Variants in PITPNM2 observed in about 807,000 individuals in gnomAD.
PITPNM2 encodes the protein membrane-associated phosphatidylinositol transfer protein 2.
In PITPNM2, 35 loss-of-function variants were observed where a neutral mutation model predicts 132.2. The ratio of observed to expected loss-of-function variants is 0.26; its 90% CI spans 0.20 to 0.35. The LOEUF (loss-of-function observed/expected upper bound fraction) is 0.35. PITPNM2 is among the 10% of genes least tolerant of loss of function. The pLI is 1.00. For missense variants in PITPNM2, 1,332 were observed against 1,912.0 expected (o/e 0.70, Z 5.66); for synonymous variants, 738 against 799.2 (o/e 0.92, Z 1.29).
rs962289455 is a variant in PITPNM2 at position 123,023,898 on chromosome 12, T to C, written c.79-9856A>G. ...ATACAATATATCTTATAGTAACTTA[T>C]ATCCAAAATATATACAGAACTCCTC... On this transcript the variant is annotated intron_variant, in intron 3 of 25. Coordinates refer to ENST00000320201, the MANE Select transcript of PITPNM2 (RefSeq NM_020845.3). The surrounding 1 kb of genome is among the most constrained non-coding windows in gnomAD (Gnocchi z 4.8). 6.6e-6 allele frequency among the ~76,000 whole-genome samples: 1 copy of C among 152,190 alleles called. No individual in the cohort carries two copies. The highest frequency in any genetic ancestry group is 1.5e-5 in the Non-Finnish European group (1 of 68,040).
chr12:123,151,127 T>TGGC (rs1461679025), upstream of PITPNM2, among the ~76,000 whole-genome samples: 4 of 145,090 alleles, frequency 2.8e-5, no homozygotes, highest in Non-Finnish European at 6.1e-5. Context: ...ATTCCCTCAG[T>TGGC]GGCGGCGGCG....
Position 122,992,395 on chromosome 12 carries a change from C to T in PITPNM2, c.2404+104G>A, listed in dbSNP as rs2038230050. 7.6e-7 allele frequency: 1 copy of T among 1,308,504 alleles called. No individual in the cohort carries two copies. Among genetic ancestry groups the T allele is most frequent in the East Asian group, 3.0e-5 (1 of 33,652 alleles). The allele number at this position is 1,308,504 out of a possible 1,614,324, so 81.1% of individuals were successfully genotyped here. ...CAAGAGGCATTCAGCACAAGCTGTC[C>T]CTCTCACCTGGGGAAGAACCACGTA... On this transcript the variant is annotated intron_variant, in intron 16 of 25. Transcript: ENST00000320201. The surrounding 1 kb of genome is among the most constrained non-coding windows in gnomAD (Gnocchi z 6.5).
chr12:123,151,782 G>A (rs936993760), upstream of PITPNM2, among the ~76,000 whole-genome samples: 3 of 152,216 alleles, frequency 2.0e-5, no homozygotes, highest in African/African-American at 4.8e-5. Context: ...GTTGAGCCAG[G>A]GTGGACTTGT....
Position 122,987,273 on chromosome 12 carries a change from C to A in PITPNM2, c.3413+8G>T. 4 of 1,611,250 alleles carry A rather than the reference C, an allele frequency of 2.5e-6. No individual in the cohort carries two copies. The highest frequency in any genetic ancestry group is 3.4e-6 in the Non-Finnish European group (4 of 1,179,878). ...TACAGCCCCTTTGTGCCCCTCTGGG[C>A]CACTCACCGCACCACGTCCACGGCC... On this transcript the variant is annotated splice_region_variant and intron_variant, in intron 23 of 25. Coordinates refer to ENST00000320201, the MANE Select transcript of PITPNM2 (RefSeq NM_020845.3).
At chr12:122,997,240 G>A in intron 11 of PITPNM2, 85 bp downstream of exon 11, 2 of 1,580,698 alleles carry the variant, frequency 1.3e-6, no homozygotes, top group Non-Finnish European at 1.7e-6. Context: ...CAGGAGTCCT[G>A]AAACTGGGGA....
chr12:123,029,781 G>C (rs1442049952), intron 3 of PITPNM2, among the ~76,000 whole-genome samples: 1 of 151,602 alleles, frequency 6.6e-6, no homozygotes, highest in Non-Finnish European at 1.5e-5. Context: ...TGCATAGGTG[G>C]CTGTGCTTGC....
intron 3 of PITPNM2, among the ~76,000 whole-genome samples, chr12:123,016,578 C>T (rs1436087689): frequency 9.2e-6 from 1 of 108,352 alleles, no homozygotes; most frequent in Non-Finnish European, 1.9e-5. Context: ...GCCTAAGACT[C>T]CGTCTCAAAA....
At chr12:122,997,724 G>A in intron 10 of PITPNM2, 152 bp from the exon 11 acceptor site, 5 of 1,093,118 alleles carry the variant, frequency 4.6e-6, no homozygotes, top group Non-Finnish European at 6.4e-6. Flanking sequence ...CTGGAGCCTG[G>A]GGTTTGGCTG....
chr12:122,986,687 G>A lies in PITPNM2; in HGVS notation c.3556C>T (p.Leu1186=). The change falls in exon 24 of 26, where the codon CTG becomes TTG. Residue 1186 remains leucine (L), a synonymous_variant. Transcript: ENST00000320201. ...SFCDGLVHDP[L]RHKANFLKLL... is the part of the protein sequence containing the mutation. ...TTCAGGAAGTTGGCCTTGTGCCGCA[G>A]CGGGTCATGCACCAGGCCGTCACAG... 2 of 1,613,434 alleles carry A rather than the reference G, an allele frequency of 1.2e-6. No homozygotes were observed. Among genetic ancestry groups the A allele is most frequent in the Non-Finnish European group, 1.7e-6 (2 of 1,179,966 alleles).
intron 1 of PITPNM2, among the ~76,000 whole-genome samples, chr12:123,143,663 G>A (rs1422323093): frequency 2.0e-5 from 3 of 152,152 alleles, no homozygotes; most frequent in African/African-American, 7.2e-5. Context: ...TCCTAAGAAA[G>A]GCCAAGTCTA....
intron 3 of PITPNM2, among the ~76,000 whole-genome samples, chr12:123,021,049 A>T (rs1416345263): frequency 1.3e-5 from 2 of 151,070 alleles, no homozygotes; most frequent in Non-Finnish European, 3.0e-5. Context: ...AAAAAAAAAA[A>T]AAAAAAGAAA....
chr12:122,988,687 C>A (rs1442022825), intron 19 of PITPNM2, 37 bp downstream of exon 19: 2 of 1,536,000 alleles, frequency 1.3e-6, no homozygotes, highest in African/African-American at 1.4e-5. Flanking sequence ...GGTGTTGTCA[C>A]TCAGGGCCCT....
chr12:123,123,481 C>T (rs181228297), intron 1 of PITPNM2, among the ~76,000 whole-genome samples: 82 of 152,112 alleles, frequency 5.4e-4, no homozygotes, highest in Non-Finnish European at 9.7e-4. Context: ...TGCAGTTGCA[C>T]GTGCCTCTAG....
At position 123,047,865 on chromosome 12, in the gene PITPNM2, T is replaced by C. The variant is rs1388782118; in HGVS notation, c.-95-13180A>G. On this transcript the variant is annotated intron_variant, in intron 2 of 25. Coordinates refer to ENST00000320201, the MANE Select transcript of PITPNM2 (RefSeq NM_020845.3). ...CCTGTAATCCCAGTACTTTGGGAGG[T>C]TGAAGCAGGCAGATCATGAGGTCAG... Among the ~76,000 whole-genome samples the C allele has an allele frequency of 3.3e-5, 5 of 151,296 alleles. 1 individual carries two copies. Among genetic ancestry groups the C allele is most frequent in the East Asian group, 2.0e-4 (1 of 5,110 alleles).
At chr12:123,044,834 T>G (rs183295589) in intron 2 of PITPNM2, among the ~76,000 whole-genome samples, 27 of 152,310 alleles carry the variant, frequency 1.8e-4, no homozygotes, top group Admixed American at 1.5e-3. Context: ...CCAGGCTAGA[T>G]AGAACACAGT....
chr12:123,062,468 A>T (rs1259884251), intron 2 of PITPNM2, among the ~76,000 whole-genome samples: 1 of 152,090 alleles, frequency 6.6e-6, no homozygotes, highest in Non-Finnish European at 1.5e-5. Flanking sequence ...TAGCTCCAGA[A>T]ATCCCAGGGA....
At chr12:123,060,936 C>T (rs945950932) in intron 2 of PITPNM2, among the ~76,000 whole-genome samples, 2 of 152,190 alleles carry the variant, frequency 1.3e-5, no homozygotes, top group Non-Finnish European at 2.9e-5. Flanking sequence ...ACTCATCCTT[C>T]CACCTATGCA....
chr12:123,128,090 G>A (rs1031591646), intron 1 of PITPNM2, among the ~76,000 whole-genome samples: 1 of 151,872 alleles, frequency 6.6e-6, no homozygotes, highest in Admixed American at 6.6e-5. Flanking sequence ...GGAGCATTCT[G>A]TGTTCCTCAA....
chr12:122,998,419 G>A (rs11061267), intron 10 of PITPNM2, among the ~76,000 whole-genome samples: 13,315 of 152,092 alleles, frequency 0.088, 1,920 homozygotes, highest in African/African-American at 0.3. Context: ...ATAGCGTGTC[G>A]GTGCCAGGCT....
Sources: gnomAD v4.1 joint callset for allele counts (sites outside exome capture counted in the v4.1 genomes callset) on GRCh38, gnomAD v4.1.1 for gene constraint, Gnocchi (gnomAD v3.1) non-coding constraint, MANE v1.5 for transcripts, NCBI Gene and HGNC (gene_info 2026-07-23, HGNC 2026-07-21) for gene names.